Variants in MS4A4A observed in about 807,000 individuals in gnomAD.
MS4A4A encodes the protein membrane-spanning 4-domains subfamily A member 4A.
Under a neutral mutation model 28.0 loss-of-function variants are expected in MS4A4A, and 26 were observed. The observed-to-expected ratio is 0.93, with a 90% CI of 0.68 to 1.29. The LOEUF is 1.29. Among genes scored for constraint, MS4A4A ranks in the 50% most tolerant of loss-of-function variants. The probability of loss-of-function intolerance (pLI) is 0.00; values close to 1 mark genes in which losing one functional copy is unlikely to be tolerated. For missense variants in MS4A4A, 290 were observed against 293.1 expected (o/e 0.99, Z 0.08); for synonymous variants, 86 against 100.8 (o/e 0.85, Z 0.88).
chr11:60,284,813 T>C (rs1328789295), intron 1 of MS4A4A, among the ~76,000 whole-genome samples: 2 of 152,266 alleles, frequency 1.3e-5, no homozygotes, highest in African/African-American at 4.8e-5. Context: ...TAAAATAAAA[T>C]AGCAGGCCTT....
chr11:60,281,433 C>T (rs2084754618), intron 1 of MS4A4A, among the ~76,000 whole-genome samples: 1 of 152,084 alleles, frequency 6.6e-6, no homozygotes, highest in South Asian at 2.1e-4. Flanking sequence ...CAGAATCACA[C>T]AAGTTAACAA....
chr11:60,302,105 C>T (rs2084957498), intron 4 of MS4A4A, among the ~76,000 whole-genome samples: 1 of 152,068 alleles, frequency 6.6e-6, no homozygotes, highest in Non-Finnish European at 1.5e-5. Flanking sequence ...TTATTAAAAG[C>T]CTCCTTACCT....
At chr11:60,305,873 G>T in intron 5 of MS4A4A, 1 of 523,972 alleles carries the variant, frequency 1.9e-6, no homozygotes, top group Non-Finnish European at 3.4e-6. Flanking sequence ...CAATAGCACT[G>T]GGAGGTGCTG....
At chr11:60,290,815 AT>A (rs2084848839) in intron 1 of MS4A4A, among the ~76,000 whole-genome samples, 1 of 152,074 alleles carries the variant, frequency 6.6e-6, no homozygotes, top group South Asian at 2.1e-4. Context: ...CTAATAATTT[AT>A]TTCCATTGAT....
intron 2 of MS4A4A, among the ~76,000 whole-genome samples, 195 bp downstream of exon 2, chr11:60,292,579 T>C (rs533790401): frequency 6.6e-6 from 1 of 152,316 alleles, no homozygotes; most frequent in African/African-American, 2.4e-5. Context: ...GAGTTATATT[T>C]AAAATATATT....
rs73487292 is a variant in MS4A4A, at chr11:60,292,495, C to T, written c.201+111C>T. ...CTCATAATACAACAGCCAACCCTCA[C>T]GACGTCAGTAATTACTTTTCAGGCT... On this transcript the variant is annotated intron_variant, in intron 2 of 6. Transcript: ENST00000337908. The T allele has an allele frequency of 1.7e-3, 1,854 of 1,093,730 alleles. 16 individuals carry two copies. In the African/African-American group the frequency reaches 0.025, roughly 15 times the overall value. 67.8% of individuals were successfully genotyped at this position (1,093,730 alleles called of 1,614,324 possible).
intron 5 of MS4A4A, among the ~76,000 whole-genome samples, chr11:60,303,238 G>A (rs2084968618): frequency 1.3e-5 from 2 of 151,934 alleles, no homozygotes; most frequent in African/African-American, 4.8e-5. Flanking sequence ...CTACTTTTTT[G>A]TACCAATTGT....
intron 4 of MS4A4A, among the ~76,000 whole-genome samples, chr11:60,301,954 A>G (rs2084956508): frequency 6.6e-6 from 1 of 151,938 alleles, no homozygotes; most frequent in Non-Finnish European, 1.5e-5. Flanking sequence ...TAATTTTTGT[A>G]TTTTTAGTAG....
chr11:60,297,142 G>T, intron 2 of MS4A4A, 55 bp from the exon 3 acceptor site: 1 of 1,605,118 alleles, frequency 6.2e-7, no homozygotes, highest in Non-Finnish European at 8.5e-7. Context: ...AGGGGGTGGC[G>T]GAAGCACCAT....
chr11:60,281,500 C>T (rs1047029815), intron 1 of MS4A4A, among the ~76,000 whole-genome samples: 4 of 152,168 alleles, frequency 2.6e-5, no homozygotes, highest in Admixed American at 6.6e-5. Context: ...GTTCCTAGCC[C>T]GGGCCTTTCC....
chr11:60,295,738 A>C (rs150855630), intron 2 of MS4A4A, among the ~76,000 whole-genome samples: 181 of 152,252 alleles, frequency 1.2e-3, no homozygotes, highest in African/African-American at 3.9e-3. Flanking sequence ...TGCGTCTGTT[A>C]ATATAATCAT....
chr11:60,284,423 T>C (rs367653575), intron 1 of MS4A4A, among the ~76,000 whole-genome samples: 4 of 152,214 alleles, frequency 2.6e-5, no homozygotes, highest in African/African-American at 7.2e-5. Flanking sequence ...TTTACTCCTG[T>C]CATGACCCTG....
intron 1 of MS4A4A, among the ~76,000 whole-genome samples, chr11:60,283,343 A>G (rs12275496): frequency 0.13 from 19,593 of 152,234 alleles, 1,395 homozygotes; most frequent in South Asian, 0.17. Context: ...CTGGGATTAC[A>G]GGATTGAGTC....
At chr11:60,303,822 T>C (rs1168052944) in intron 5 of MS4A4A, among the ~76,000 whole-genome samples, 1 of 152,242 alleles carries the variant, frequency 6.6e-6, no homozygotes, top group Non-Finnish European at 1.5e-5. Flanking sequence ...CCTTACCACG[T>C]TCTTCGCTTA....
rs553185759 is a variant in MS4A4A at position 60,302,587 on chromosome 11, C to T, written c.416C>T (p.Thr139Ile). 6.2e-7 allele frequency: 1 copy of T among 1,613,982 alleles called. No homozygotes were observed. The highest frequency in any genetic ancestry group is 8.5e-7 in the Non-Finnish European group (1 of 1,180,018). The change falls in exon 5 of 7, where the codon ACC (threonine) becomes ATC (isoleucine). Residue 139 changes from threonine to isoleucine, a missense_variant. By Grantham distance (89) the Thr-to-Ile change is moderately conservative (BLOSUM62 -1). Transcript: ENST00000337908. ...CGAGGTAGTCTAGGAATGAATATCA[C>T]CAGCTCTGTACTGGCTGCATCAGGG... Reference protein sequence around the residue: ...LVRGSLGMNITSSVLAASGIL... With the variant: ...LVRGSLGMNIISSVLAASGIL...
intron 3 of MS4A4A, among the ~76,000 whole-genome samples, chr11:60,300,443 C>A (rs1043468555): frequency 6.6e-6 from 1 of 151,790 alleles, no homozygotes; most frequent in Admixed American, 6.6e-5. Context: ...GGTGAAACCC[C>A]GTCTCTACTA....
In MS4A4A at chr11:60,292,376, G is replaced by A; in HGVS notation, c.193G>A (p.Val65Ile). Residue 65 changes from valine (V) to isoleucine (I), a missense_variant, in exon 2 of 7, where the codon GTC becomes ATC. Val to Ile is a conservative substitution (Grantham distance 29). Transcript: ENST00000337908. ...GAAGTTCTTGAAGGGAGAACCCAAA[G>A]TCCTTGGGGTAAGTTGCAAATCTAG... is the stretch of plus-strand genomic sequence containing the variant. The part of the protein sequence containing the change: ...QEKFLKGEPK[V>I]LGVVQILTAL... 1 of 1,591,802 alleles carries A rather than the reference G, an allele frequency of 6.3e-7. No individual in the cohort carries two copies. The highest frequency in any genetic ancestry group is 2.3e-5 in the East Asian group (1 of 43,642).
At chr11:60,303,962 G>A (rs971666934) in intron 5 of MS4A4A, among the ~76,000 whole-genome samples, 1 of 152,100 alleles carries the variant, frequency 6.6e-6, no homozygotes, top group African/African-American at 2.4e-5. Flanking sequence ...ACCCCTTGAG[G>A]TGTCTTTGCT....
intron 5 of MS4A4A, 37 bp downstream of exon 5, chr11:60,302,754 A>G (rs2084964812): frequency 2.5e-6 from 4 of 1,593,346 alleles, no homozygotes; most frequent in Non-Finnish European, 3.4e-6. Flanking sequence ...ATTATTATAG[A>G]AGCAAGTTTG....
Sources: gnomAD v4.1 joint callset for allele counts (sites outside exome capture counted in the v4.1 genomes callset) on GRCh38, gnomAD v4.1.1 for gene constraint, MANE v1.5 for transcripts, NCBI Gene and HGNC (gene_info 2026-07-23, HGNC 2026-07-21) for gene names.